DAB1: variants seen among roughly 807,000 people sequenced by gnomAD.
DAB1 encodes the protein disabled homolog 1.
DAB1 carries 15 observed loss-of-function variants against 64.6 expected under a neutral mutation model. The ratio of observed to expected loss-of-function variants is 0.23; its 90% confidence interval spans 0.16 to 0.36. The LOEUF is 0.36. Ranked by LOEUF, DAB1 falls within the 10% of genes least tolerant of loss-of-function variation. DAB1 has a pLI of 1.00. For synonymous variants in DAB1, 235 were observed against 251.9 expected (o/e 0.93, Z 0.64); for missense variants, 596 against 706.7 (o/e 0.84, Z 1.78).
intron 2 of DAB1, among the ~76,000 whole-genome samples, chr1:58,521,855 T>TA (rs1170407876): frequency 2.0e-5 from 3 of 152,136 alleles, no homozygotes; most frequent in African/African-American, 7.2e-5. Context: ...TAGCTAATCT[T>TA]ACAAAAACTC....
intron 1 of DAB1, chr1:57,878,363 A>G (rs529160397): frequency 6.6e-6 from 1 of 152,334 alleles, no homozygotes; most frequent in East Asian, 1.9e-4. Flanking sequence ...CTTCCAGACA[A>G]TTTGTGTTAA....
chr1:57,588,963 C>T (rs12409420), intron 7 of DAB1, among the ~76,000 whole-genome samples: 39,739 of 151,800 alleles, frequency 0.26, 6,138 homozygotes, highest in African/African-American at 0.42. Flanking sequence ...TGGCTGGGCG[C>T]GGTGGCTCAC....
At chr1:57,372,656 T>A (rs1311212153) in intron 1 of DAB1, among the ~76,000 whole-genome samples, 1 of 152,028 alleles carries the variant, frequency 6.6e-6, no homozygotes, top group Non-Finnish European at 1.5e-5. Context: ...AAGCTCCTGT[T>A]TTTTTTTCTA....
intron 3 of DAB1, among the ~76,000 whole-genome samples, chr1:58,427,721 T>C (rs113899046): frequency 6.6e-6 from 1 of 152,198 alleles, no homozygotes; most frequent in African/African-American, 2.4e-5. Context: ...GGGGATCCAG[T>C]GTTTGACTTG....
chr1:57,989,571 T>G (rs1013902438), intron 5 of DAB1, among the ~76,000 whole-genome samples: 3 of 152,148 alleles, frequency 2.0e-5, no homozygotes, highest in Non-Finnish European at 4.4e-5. Flanking sequence ...AGAAAGGTTT[T>G]GATGGAAACA....
chr1:57,860,682 T>C (rs1358060275), intron 1 of DAB1: 1 of 152,144 alleles, frequency 6.6e-6, no homozygotes, highest in African/African-American at 2.4e-5. Context: ...TTTGGATGAT[T>C]AGGATCTAAG....
At chr1:57,624,044 G>A (rs1445588818) in intron 7 of DAB1, among the ~76,000 whole-genome samples, 2 of 152,208 alleles carry the variant, frequency 1.3e-5, no homozygotes, top group African/African-American at 4.8e-5. Context: ...TCTCTCTGGG[G>A]ACCCCAGGCA....
At chr1:58,148,485 C>T (rs963283379) in intron 5 of DAB1, among the ~76,000 whole-genome samples, 1 of 152,218 alleles carries the variant, frequency 6.6e-6, no homozygotes, top group East Asian at 1.9e-4. Context: ...TTCTCCCTTG[C>T]AAACTACATT....
chr1:58,210,241 T>C (rs1008442812), intron 4 of DAB1, among the ~76,000 whole-genome samples: 1 of 152,152 alleles, frequency 6.6e-6, no homozygotes, highest in Non-Finnish European at 1.5e-5. Context: ...TGTTACCTTA[T>C]TTTACATGTT....
chr1:57,487,581 T>C (rs1376895188), intron 7 of DAB1, among the ~76,000 whole-genome samples: 3 of 152,220 alleles, frequency 2.0e-5, no homozygotes, highest in South Asian at 2.1e-4. Flanking sequence ...GTCTAGGCCA[T>C]ATTCTTCCCC....
chr1:58,464,302 G>C (rs1392021623), intron 3 of DAB1, among the ~76,000 whole-genome samples: 1 of 152,216 alleles, frequency 6.6e-6, no homozygotes, highest in Non-Finnish European at 1.5e-5. Context: ...CCCAGGGCTT[G>C]ACATATGCCC....
intron 1 of DAB1, among the ~76,000 whole-genome samples, chr1:57,836,315 T>A (rs1652805917): frequency 6.6e-6 from 1 of 152,208 alleles, no homozygotes. Context: ...TCTGAAGTGT[T>A]CCATGCCTAT....
intron 6 of DAB1, among the ~76,000 whole-genome samples, chr1:57,658,306 C>CTTTTTT: frequency 7.6e-6 from 1 of 131,232 alleles, no homozygotes; most frequent in Non-Finnish European, 1.6e-5. Flanking sequence ...CAATTTTGTT[C>CTTTTTT]TTTTTTTTTT....
chr1:57,618,297 C>A (rs1169532842), intron 7 of DAB1, among the ~76,000 whole-genome samples: 1 of 151,832 alleles, frequency 6.6e-6, no homozygotes, highest in Non-Finnish European at 1.5e-5. Context: ...TGCCTGTAAT[C>A]CCAGCTACTT....
chr1:57,114,584 C>T (rs1207043741), intron 4 of DAB1, among the ~76,000 whole-genome samples: 3 of 152,174 alleles, frequency 2.0e-5, no homozygotes, highest in Non-Finnish European at 4.4e-5. Flanking sequence ...GTATTTGCTG[C>T]ATCGATTAGC....
chr1:57,295,411 C>A (rs962848487), intron 1 of DAB1, among the ~76,000 whole-genome samples: 6 of 152,102 alleles, frequency 3.9e-5, no homozygotes, highest in Admixed American at 1.3e-4. Flanking sequence ...AACTGTATGT[C>A]ACAATTGGCA....
intron 6 of DAB1, among the ~76,000 whole-genome samples, chr1:57,724,973 G>A (rs1361436862): frequency 2.0e-5 from 3 of 152,212 alleles, no homozygotes; most frequent in African/African-American, 7.2e-5. Context: ...GACTACCCAA[G>A]TACAAGTTAG....
chr1:58,410,179 C>G (rs1161727645), intron 3 of DAB1, among the ~76,000 whole-genome samples: 1 of 152,224 alleles, frequency 6.6e-6, no homozygotes, highest in Non-Finnish European at 1.5e-5. Flanking sequence ...TGGGCCCACC[C>G]AGCCCCATGA....
chr1:58,170,989 C>T (rs763570734), intron 4 of DAB1, among the ~76,000 whole-genome samples: 15 of 151,670 alleles, frequency 9.9e-5, no homozygotes, highest in South Asian at 4.2e-4. Context: ...CCTCAAGGTC[C>T]GTTACCATCC....
Sources: allele counts gnomAD v4.1 joint callset (sites outside exome capture counted in the v4.1 genomes callset), GRCh38; gene constraint gnomAD v4.1.1; transcripts MANE v1.5; gene names NCBI Gene and HGNC (gene_info 2026-07-23, HGNC 2026-07-21).